Variants in EYA3 observed in about 807,000 individuals in gnomAD.
EYA3 encodes protein phosphatase EYA3.
Under a neutral mutation model 80.0 loss-of-function variants are expected in EYA3, and 39 were observed. The ratio of observed to expected loss-of-function variants is 0.49; its 90% CI spans 0.38 to 0.64. EYA3 has a LOEUF of 0.64. Ranked by LOEUF, EYA3 falls within the 30% of genes least tolerant of loss-of-function variation. The pLI, the probability that EYA3 is intolerant of heterozygous loss-of-function variation, is 0.00. For missense variants in EYA3, 523 were observed against 676.1 expected (o/e 0.77, Z 2.51); for synonymous variants, 206 against 232.8 (o/e 0.88, Z 1.05).
At chr1:28,034,859 T>A (rs1278353178) in intron 6 of EYA3, among the ~76,000 whole-genome samples, 1 of 152,098 alleles carries the variant, frequency 6.6e-6, no homozygotes, top group Non-Finnish European at 1.5e-5. Context: ...TGGCACCCAT[T>A]TCAGGAAAGC....
intron 3 of EYA3, among the ~76,000 whole-genome samples, chr1:28,047,290 G>A (rs1358759568): frequency 1.3e-5 from 2 of 152,042 alleles, no homozygotes; most frequent in Non-Finnish European, 2.9e-5. Context: ...AAGTCACCAC[G>A]CCGAGCTAAT....
chr1:28,084,554 AAAATATATATAT>A (rs1382892911), intron 1 of EYA3, among the ~76,000 whole-genome samples: 84 of 58,070 alleles, frequency 1.4e-3, no homozygotes, highest in African/African-American at 5.6e-3. Context: ...TGACTATTCC[AAAATATATATAT>A]ATATATATAT....
Position 28,013,228 on chromosome 1 carries a change from C to G in EYA3, c.652G>C (p.Gly218Arg), listed in dbSNP as rs377265369. 7 of 1,614,068 alleles carry G rather than the reference C, an allele frequency of 4.3e-6. No individual in the cohort carries two copies. The highest frequency in any genetic ancestry group is 4.2e-6 in the Non-Finnish European group (5 of 1,179,990). The part of the protein sequence containing the change: ...YQACYPSSSF[G>R]VTGQTNSDAE... ...TCACTGTTAGTCTGACCTGTGACTC[C>G]AAAGCTGGAGCTGGGGTAGCAGGCC... Residue 218 changes from glycine (G) to arginine (R), a missense_variant, in exon 9 of 18, where the codon GGA (glycine) becomes CGA (arginine). Coordinates refer to ENST00000373871, the MANE Select transcript of EYA3 (RefSeq NM_001990.4). The surrounding 1 kb of genome is among the most constrained non-coding windows in gnomAD (Gnocchi z 4.0).
At chr1:28,033,821 AT>A (rs34130370) in intron 6 of EYA3, among the ~76,000 whole-genome samples, 138,597 of 149,474 alleles carry the variant, frequency 0.93, 65,071 homozygotes, top group East Asian at 1. Context: ...TGCCCGGCTA[AT>A]TTTTTTTTTG....
intron 1 of EYA3, among the ~76,000 whole-genome samples, chr1:28,086,160 T>G (rs1408459152): frequency 6.6e-6 from 1 of 152,152 alleles, no homozygotes; most frequent in Non-Finnish European, 1.5e-5. Context: ...CTTGAGAGCA[T>G]GTATAGGACT....
At position 28,073,103 on chromosome 1, in the gene EYA3, T is replaced by TTCTATATATATATATATATA. The variant is rs1447435853; in HGVS notation, c.-68-15010_-68-15009insTATATATATATATATATAGA. On this transcript the variant is annotated intron_variant, in intron 1 of 17. Coordinates refer to ENST00000373871, the MANE Select transcript of EYA3 (RefSeq NM_001990.4). ...ATCCTTTTTGGGATTGATGAAACTA[T>TTCTATATATATATATATATA]TATATATATATATATATATATATAT... is the stretch of plus-strand genomic sequence containing the variant. 8.5e-4 allele frequency among the ~76,000 whole-genome samples: 32 copies of TTCTATATATATATATATATA among 37,744 alleles called. 4 individuals carry two copies. Among genetic ancestry groups the TTCTATATATATATATATATA allele is most frequent in the African/African-American group, 2.9e-3 (18 of 6,242 alleles). The allele number at this position is 37,744 out of a possible 152,430, so 24.8% of individuals were successfully genotyped here.
At chr1:28,008,550 T>C (rs184749330) in intron 10 of EYA3, among the ~76,000 whole-genome samples, 1 of 152,212 alleles carries the variant, frequency 6.6e-6, no homozygotes, top group East Asian at 1.9e-4. Context: ...TTGAAGATTA[T>C]ATATCTGATT....
chr1:28,064,504 T>A (rs11247747), intron 1 of EYA3, among the ~76,000 whole-genome samples: 34,182 of 150,926 alleles, frequency 0.23, 4,068 homozygotes, highest in Non-Finnish European at 0.27. Flanking sequence ...TAGACAAAAT[T>A]AATAATGAAT....
chr1:28,050,444 C>A (rs113896545), intron 2 of EYA3, among the ~76,000 whole-genome samples: 4 of 151,978 alleles, frequency 2.6e-5, no homozygotes, highest in Non-Finnish European at 5.9e-5. Flanking sequence ...TCAAGTGATC[C>A]GTCCACCTTG....
intron 7 of EYA3, among the ~76,000 whole-genome samples, chr1:28,017,952 T>C (rs1203135516): frequency 6.6e-6 from 1 of 152,148 alleles, no homozygotes; most frequent in African/African-American, 2.4e-5. Context: ...CCCAGCACTT[T>C]CGGAGGCCGA....
chr1:28,051,237 TC>T (rs1288983059), intron 2 of EYA3, among the ~76,000 whole-genome samples: 10 of 152,020 alleles, frequency 6.6e-5, no homozygotes, highest in Non-Finnish European at 1.2e-4. Context: ...TCCTAACGAA[TC>T]CATTAAGAAA....
chr1:27,981,668 C>T (rs1165185807), intron 16 of EYA3, among the ~76,000 whole-genome samples: 1 of 151,292 alleles, frequency 6.6e-6, no homozygotes, highest in African/African-American at 2.4e-5. Context: ...TCCCAAGCTA[C>T]TCGAAAAGCT....
chr1:28,039,104 A>G (rs1643631686), intron 4 of EYA3, among the ~76,000 whole-genome samples, 199 bp from the exon 5 acceptor site: 1 of 152,214 alleles, frequency 6.6e-6, no homozygotes, highest in Non-Finnish European at 1.5e-5. Context: ...AGGCAGTTAA[A>G]AAAAGAAGGG....
intron 3 of EYA3, among the ~76,000 whole-genome samples, chr1:28,047,462 G>A (rs1360105368): frequency 2.0e-5 from 3 of 152,038 alleles, no homozygotes; most frequent in Non-Finnish European, 2.9e-5. Context: ...AAATGAGCCG[G>A]GATGATAGTG....
intron 4 of EYA3, among the ~76,000 whole-genome samples, chr1:28,042,105 T>C (rs1226144233): frequency 6.6e-6 from 1 of 152,188 alleles, no homozygotes; most frequent in African/African-American, 2.4e-5. Context: ...ACTAGAATTC[T>C]ACATTACAAA....
At chr1:28,079,850 G>C (rs1290892203) in intron 1 of EYA3, among the ~76,000 whole-genome samples, 1 of 146,512 alleles carries the variant, frequency 6.8e-6, no homozygotes, top group Non-Finnish European at 1.5e-5. Context: ...GGCTAGTCTT[G>C]AACTCCTGGG....
intron 1 of EYA3, among the ~76,000 whole-genome samples, chr1:28,073,127 A>ATATATATATT (rs1553157671): frequency 2.0e-4 from 3 of 14,998 alleles, no homozygotes; most frequent in African/African-American, 3.2e-4. Context: ...ATATATATAT[A>ATATATATATT]TTTTTTTTTT....
intron 2 of EYA3, among the ~76,000 whole-genome samples, chr1:28,057,675 C>A (rs1307361606): frequency 6.6e-6 from 1 of 151,986 alleles, no homozygotes; most frequent in Non-Finnish European, 1.5e-5. Flanking sequence ...AAAAACAAAA[C>A]TAAATTTTCT....
At chr1:28,068,841 A>G (rs1426141287) in intron 1 of EYA3, among the ~76,000 whole-genome samples, 2 of 151,964 alleles carry the variant, frequency 1.3e-5, no homozygotes, top group African/African-American at 4.8e-5. Context: ...CAGTGTCACA[A>G]TCTCACCTAG....
Sources: gnomAD v4.1 joint callset for allele counts (sites outside exome capture counted in the v4.1 genomes callset) on GRCh38, gnomAD v4.1.1 for gene constraint, Gnocchi (gnomAD v3.1) non-coding constraint, MANE v1.5 for transcripts, NCBI Gene and HGNC (gene_info 2026-07-23, HGNC 2026-07-21) for gene names.